VPS13C: variants seen among roughly 807,000 people sequenced by gnomAD.
VPS13C encodes intermembrane lipid transfer protein VPS13C.
In VPS13C, 358 loss-of-function variants were observed where a neutral mutation model predicts 456.8. The ratio of observed to expected loss-of-function variants is 0.78; its 90% CI spans 0.72 to 0.86. VPS13C has a LOEUF of 0.86. Ranked by LOEUF, VPS13C falls within the 40% of genes least tolerant of loss-of-function variation. The pLI, the probability that VPS13C is intolerant of heterozygous loss-of-function variation, is 0.00. For missense variants in VPS13C, 4,818 were observed against 4,385.4 expected, an observed-to-expected ratio of 1.10 and a Z score of -2.79; for synonymous variants, 1,578 against 1,486.7, an observed-to-expected ratio of 1.06 and a Z score of -1.41.
At position 61,915,752 on chromosome 15, in the gene VPS13C, T is replaced by C. The variant is rs1358500571; in HGVS notation, c.8326A>G (p.Asn2776Asp). ...TACTGGAGAACCCGGGTAGTCTTGT[T>C]GATTAACCAATAGGGACTAAAGACA... Reference protein sequence around the residue: ...LSVFSPYWLINKTTRVLQYRS... With the variant: ...LSVFSPYWLIDKTTRVLQYRS... Residue 2776 changes from asparagine (N) to aspartate (D), a missense_variant, in exon 61 of 85, where the codon AAC becomes GAC. By Grantham distance (23) the Asn-to-Asp change is conservative. This residue lies in a region of VPS13C where 4,552 missense variants were observed against 4,130.6 expected (regional missense o/e 1.10). Transcript: ENST00000644861. 2 of 1,614,204 alleles carry C rather than the reference T, an allele frequency of 1.2e-6. No homozygotes were observed. Among genetic ancestry groups the C allele is most frequent in the Non-Finnish European group, 1.7e-6 (2 of 1,180,034 alleles).
At chr15:61,903,076 A>G (rs1418482390) in intron 66 of VPS13C, among the ~76,000 whole-genome samples, 1 of 152,128 alleles carries the variant, frequency 6.6e-6, no homozygotes, top group African/African-American at 2.4e-5. Context: ...CTGCAATCCT[A>G]GCACTTTCAG....
intron 65 of VPS13C, among the ~76,000 whole-genome samples, chr15:61,908,350 A>G (rs954828214): frequency 2.0e-5 from 3 of 151,492 alleles, no homozygotes; most frequent in Non-Finnish European, 4.4e-5. Flanking sequence ...ATATATACAC[A>G]TATATACATA....
At chr15:61,977,994 G>A (rs1003784791) in intron 23 of VPS13C, among the ~76,000 whole-genome samples, 3 of 151,794 alleles carry the variant, frequency 2.0e-5, no homozygotes, top group Admixed American at 6.6e-5. Context: ...CTACCACAAC[G>A]TGATACTATG....
Position 61,949,945 on chromosome 15 carries a change from A to G in VPS13C, c.4597-340T>C, listed in dbSNP as rs183778899. Among the ~76,000 whole-genome samples the G allele has an allele frequency of 5.9e-3, 900 of 152,292 alleles. 8 individuals are homozygous for G. The highest frequency in any genetic ancestry group is 0.017 in the Middle Eastern group (5 of 294). Reference sequence around the variant, plus strand: ...AAATGGACTGTACCAGGTCCAGTACAGGTAATGCTTGTATGTAATGTCTGT... The same window carrying G: ...AAATGGACTGTACCAGGTCCAGTACGGGTAATGCTTGTATGTAATGTCTGT... On this transcript the variant is annotated intron_variant, in intron 41 of 84. Transcript: ENST00000644861.
At chr15:61,981,503 G>T (rs1477722742) in intron 21 of VPS13C, 25 bp from the exon 22 acceptor site, 1 of 1,551,784 alleles carries the variant, frequency 6.4e-7, no homozygotes, top group Non-Finnish European at 8.7e-7. Flanking sequence ...AATAATGACA[G>T]ATTAGATGGT....
At chr15:61,897,509 A>T (rs562238355) in intron 66 of VPS13C, among the ~76,000 whole-genome samples, 2 of 152,322 alleles carry the variant, frequency 1.3e-5, no homozygotes, top group East Asian at 3.9e-4. Flanking sequence ...TCAGCGATGG[A>T]AGATGAAATG....
chr15:61,899,462 A>G (rs2140106647), intron 66 of VPS13C, among the ~76,000 whole-genome samples: 1 of 152,318 alleles, frequency 6.6e-6, no homozygotes, highest in Non-Finnish European at 1.5e-5. Flanking sequence ...ACCTCTACGC[A>G]AATAAACTAT....
Position 62,028,392 on chromosome 15 carries a change from G to A in VPS13C, c.414C>T (p.Gly138=). ...TGTCCTTGTAAACAAAGTTCTCCAAGCCATATATGAACTCCCCTGAATGTG... is the reference window on the plus strand; with the variant it reads ...TGTCCTTGTAAACAAAGTTCTCCAAACCATATATGAACTCCCCTGAATGTG... ...KGTHSGEFIY[G]LENFVYKDIK... Residue 138 remains glycine (G), a synonymous_variant, in exon 6 of 85, where the codon GGC becomes GGT. Transcript: ENST00000644861. 3 of 1,613,038 alleles carry A rather than the reference G, an allele frequency of 1.9e-6. No individual in the cohort carries two copies. Among genetic ancestry groups the A allele is most frequent in the Non-Finnish European group, 2.5e-6 (3 of 1,179,300 alleles).
In VPS13C at chr15:61,866,913, G is replaced by C. The variant is rs1894634682; in HGVS notation, c.10863+1746C>G. On this transcript the variant is annotated intron_variant, in intron 81 of 84. Coordinates refer to ENST00000644861, the MANE Select transcript of VPS13C (RefSeq NM_020821.3). ...ACATTAAATCTAAGTTTATACTTTG[G>C]CTTCATTTCTGAGGAGAAGCATGAA... 4.1e-6 allele frequency: 4 copies of C among 983,778 alleles called. No individual in the cohort carries two copies. In the South Asian group the frequency reaches 1.4e-4, roughly 35 times the overall value. 60.9% of individuals were successfully genotyped at this position (983,778 alleles called of 1,614,324 possible). A position where few individuals can be genotyped will look rare whatever the true frequency, so the allele number is the denominator to read the frequency against.
intron 15 of VPS13C, 63 bp downstream of exon 15, chr15:62,007,245 G>A: frequency 8.6e-7 from 1 of 1,167,910 alleles, no homozygotes; most frequent in Non-Finnish European, 1.1e-6. Context: ...CAAATTACAT[G>A]CAGAAGAATA....
chr15:61,958,608 C>G lies in VPS13C; in HGVS notation c.4165G>C (p.Gly1389Arg), dbSNP rs369100678. 34 of 1,542,714 alleles carry G rather than the reference C, an allele frequency of 2.2e-5. No individual in the cohort carries two copies. Among genetic ancestry groups the G allele is most frequent in the Non-Finnish European group, 2.9e-5 (33 of 1,136,844 alleles). The change falls in exon 37 of 85, where the codon GGT becomes CGT. Residue 1389 changes from glycine (G) to arginine (R), a missense_variant and splice_region_variant. Physicochemically the swap from Gly to Arg is moderately radical, Grantham distance 125. Transcript: ENST00000644861. ...TTGCCACTTACTGTCAGCCTCTTAC[C>G]TGTCTCTTGTACTCTTGGTTTCACT... ...DKVKPRVQET[G>R]EIKEPLEISI...
In VPS13C at chr15:61,854,154, T is replaced by C; in HGVS notation, c.*303A>G. The C allele has an allele frequency of 7.5e-6, 3 of 399,356 alleles. No homozygotes were observed. The highest frequency in any genetic ancestry group is 8.5e-5 in the South Asian group (2 of 23,426). The allele number at this position is 399,356 out of a possible 1,614,324, so 24.7% of individuals were successfully genotyped here. A position where few individuals can be genotyped will look rare whatever the true frequency, so the allele number is the denominator to read the frequency against. On this transcript the variant is annotated 3_prime_UTR_variant, in exon 85 of 85. Transcript: ENST00000644861. ...AAGGCTTTAATTAAATATAAGCCTA[T>C]TGACCTTTGCTTCACAATTTTAATA...
Position 61,853,366 on chromosome 15 carries a change from G to C in VPS13C, c.*1091C>G, listed in dbSNP as rs562938255. 1 of 152,128 alleles carries C rather than the reference G, an allele frequency of 6.6e-6. No homozygotes were observed. 9.4% of individuals were successfully genotyped at this position (152,128 alleles called of 1,614,324 possible). A position where few individuals can be genotyped will look rare whatever the true frequency, so the allele number is the denominator to read the frequency against. ...AATTTTACATATTTCAGAGTCTTGA[G>C]AAACTTAAAGTGCAGTATTTTCATG... is the stretch of plus-strand genomic sequence containing the variant. On this transcript the variant is annotated 3_prime_UTR_variant, in exon 85 of 85. Transcript: ENST00000644861.
chr15:61,966,285 A>G, intron 29 of VPS13C, 143 bp from the exon 30 acceptor site: 1 of 480,702 alleles, frequency 2.1e-6, no homozygotes, highest in Non-Finnish European at 3.6e-6. Flanking sequence ...CATTATTTTA[A>G]ATTTACATCC....
In VPS13C at chr15:61,912,011, A is replaced by T; in HGVS notation, c.8551-7T>A. 1 of 1,566,154 alleles carries T rather than the reference A, an allele frequency of 6.4e-7. No homozygotes were observed. The highest frequency in any genetic ancestry group is 8.7e-7 in the Non-Finnish European group (1 of 1,154,816). On this transcript the variant is annotated splice_region_variant and splice_polypyrimidine_tract_variant and intron_variant, in intron 62 of 84. Transcript: ENST00000644861. Reference sequence around the variant, plus strand: ...TTTTGATGCTAACACCAACCTGTGGAAAGGAAAAAAGCTTATTTTCCAGTT... The same window carrying T: ...TTTTGATGCTAACACCAACCTGTGGTAAGGAAAAAAGCTTATTTTCCAGTT...
At chr15:61,860,473 T>C (rs1894159533) in intron 82 of VPS13C, among the ~76,000 whole-genome samples, 1 of 151,976 alleles carries the variant, frequency 6.6e-6, no homozygotes, top group Non-Finnish European at 1.5e-5. Flanking sequence ...AAATTAGCAA[T>C]CCCCCTTTTA....
At chr15:61,869,116 C>CTTTTTTTTTTTTT (rs68084709) in intron 80 of VPS13C, among the ~76,000 whole-genome samples, 27 of 131,308 alleles carry the variant, frequency 2.1e-4, no homozygotes, top group African/African-American at 3.6e-4. Context: ...TTTCTTTTTT[C>CTTTTTTTTTTTTT]TTTTTTTTTT....
In VPS13C at chr15:62,032,452, C is replaced by G. The variant is rs549750776; in HGVS notation, c.385+989G>C. On this transcript the variant is annotated intron_variant, in intron 5 of 84. Coordinates refer to ENST00000644861, the MANE Select transcript of VPS13C (RefSeq NM_020821.3). ...TAGAAAATTTCTTCCACTATGGTAA[C>G]CTCTGTATTTTTAAATAGTTTAGTA... 3.3e-5 allele frequency among the ~76,000 whole-genome samples: 5 copies of G among 151,670 alleles called. No individual in the cohort carries two copies. In the East Asian group the frequency reaches 9.6e-4, roughly 29 times the overall value.
intron 15 of VPS13C, among the ~76,000 whole-genome samples, chr15:62,001,318 C>A (rs554335457): frequency 3.9e-5 from 6 of 152,306 alleles, no homozygotes; most frequent in African/African-American, 1.4e-4. Flanking sequence ...CATCTGACGC[C>A]AATAACTACG....
Sources: allele counts gnomAD v4.1 joint callset (sites outside exome capture counted in the v4.1 genomes callset), GRCh38; gene constraint gnomAD v4.1.1; regional missense constraint gnomAD v4.1.1; transcripts MANE v1.5; gene names NCBI Gene and HGNC (gene_info 2026-07-23, HGNC 2026-07-21).